ZBTB20: variants seen among roughly 807,000 people sequenced by gnomAD.
ZBTB20 encodes zinc finger and BTB domain containing 20, also known as zinc finger and BTB domain-containing protein 20.
In ZBTB20, 9 loss-of-function variants were observed where a neutral mutation model predicts 56.9. That is an observed-to-expected ratio of 0.16 (90% CI 0.10 to 0.28). The LOEUF (loss-of-function observed/expected upper bound fraction) is 0.28, where lower values mean the gene tolerates loss of function less well. ZBTB20 is among the 10% of genes least tolerant of loss of function. The pLI is 1.00. For synonymous variants in ZBTB20, 417 were observed against 420.7 expected (o/e 0.99, Z 0.11); for missense variants, 655 against 1,003.0 (o/e 0.65, Z 4.69).
rs1560077275 is a variant in ZBTB20 at position 114,332,490 on chromosome 3, C to T, written c.*6515G>A. The T allele has an allele frequency of 6.6e-6, 1 of 152,194 alleles. No individual in the cohort carries two copies. The highest frequency in any genetic ancestry group is 1.5e-5 in the Non-Finnish European group (1 of 68,044). 9.4% of individuals were successfully genotyped at this position (152,194 alleles called of 1,614,324 possible). ...TGTCTATTTTACATTCAGCCCCAACCTACGTCACTGAAATAGAATAGGAAA... is the reference window on the plus strand; with the variant it reads ...TGTCTATTTTACATTCAGCCCCAACTTACGTCACTGAAATAGAATAGGAAA... On this transcript the variant is annotated 3_prime_UTR_variant, in exon 12 of 12. Coordinates refer to ENST00000675478, the MANE Select transcript of ZBTB20 (RefSeq NM_001348800.3).
intron 6 of ZBTB20, among the ~76,000 whole-genome samples, chr3:114,657,085 T>A (rs1361678035): frequency 6.6e-6 from 1 of 152,266 alleles, no homozygotes; most frequent in African/African-American, 2.4e-5. Context: ...TATCCATCAC[T>A]GGTAATTTTT....
At chr3:114,899,537 T>C (rs1253157363) in intron 4 of ZBTB20, among the ~76,000 whole-genome samples, 1 of 151,910 alleles carries the variant, frequency 6.6e-6, no homozygotes. Context: ...AAAAAAAAAA[T>C]ATTTGAGTCA....
intron 4 of ZBTB20, among the ~76,000 whole-genome samples, chr3:114,888,690 C>T (rs193262607): frequency 3.2e-4 from 48 of 151,926 alleles, no homozygotes; most frequent in African/African-American, 1.1e-3. Flanking sequence ...TTGGCAAAGA[C>T]CCTAATAAGT....
chr3:114,473,745 T>C (rs1181548116), intron 7 of ZBTB20, among the ~76,000 whole-genome samples: 3 of 152,186 alleles, frequency 2.0e-5, no homozygotes, highest in Non-Finnish European at 4.4e-5. Flanking sequence ...CAAGTGATTC[T>C]AATTCTATGT....
At chr3:115,063,272 G>A (rs1285606301) in intron 2 of ZBTB20, among the ~76,000 whole-genome samples, 1 of 152,106 alleles carries the variant, frequency 6.6e-6, no homozygotes, top group East Asian at 1.9e-4. Context: ...CCATAGACTT[G>A]GTTAAACAAC....
intron 6 of ZBTB20, among the ~76,000 whole-genome samples, chr3:114,526,869 T>A (rs2047276288): frequency 6.6e-6 from 1 of 152,190 alleles, no homozygotes; most frequent in Non-Finnish European, 1.5e-5. Flanking sequence ...GAAGAATTAG[T>A]CTCACAAGTA....
intron 10 of ZBTB20, among the ~76,000 whole-genome samples, chr3:114,376,393 T>TG (rs2083631783): frequency 6.6e-6 from 1 of 152,230 alleles, no homozygotes; most frequent in African/African-American, 2.4e-5. Flanking sequence ...TTCCTGACTT[T>TG]GGGGTAATTA....
intron 6 of ZBTB20, among the ~76,000 whole-genome samples, chr3:114,624,358 C>CAAAA (rs368690191): frequency 8.1e-6 from 1 of 123,070 alleles, no homozygotes; most frequent in Admixed American, 7.8e-5. Context: ...GTAAGAGAAA[C>CAAAA]AAAAAAAAAA....
chr3:114,880,793 A>G (rs1263640161), intron 4 of ZBTB20, among the ~76,000 whole-genome samples: 1 of 152,192 alleles, frequency 6.6e-6, no homozygotes, highest in Admixed American at 6.5e-5. Flanking sequence ...TATTCATAAT[A>G]TATTGCTAGT....
At position 114,906,334 on chromosome 3, in the gene ZBTB20, T is replaced by C. The variant is rs1388537382; in HGVS notation, c.-455-5992A>G. Among the ~76,000 whole-genome samples the C allele has an allele frequency of 2.0e-5, 3 of 151,784 alleles. No individual in the cohort carries two copies. The East Asian group carries it at 5.8e-4, about 29-fold the overall frequency. ...CTTGATGATGTAGAAAATCTTTTATTGTAAATTCTGTTCAATCAAAGGCAA... is the reference window on the plus strand; with the variant it reads ...CTTGATGATGTAGAAAATCTTTTATCGTAAATTCTGTTCAATCAAAGGCAA... On this transcript the variant is annotated intron_variant, in intron 3 of 11. Transcript: ENST00000675478.
chr3:114,987,266 CT>C (rs2078587838), intron 2 of ZBTB20, among the ~76,000 whole-genome samples: 1 of 152,020 alleles, frequency 6.6e-6, no homozygotes, highest in African/African-American at 2.4e-5. Flanking sequence ...ATAACGGGAA[CT>C]TTTAGGTAAT....
At chr3:114,629,957 G>A (rs2058852528) in intron 6 of ZBTB20, among the ~76,000 whole-genome samples, 1 of 152,012 alleles carries the variant, frequency 6.6e-6, no homozygotes, top group Admixed American at 6.6e-5. Context: ...AGACTAGTTT[G>A]GGCAAAATGG....
chr3:114,436,710 C>A (rs1390206787), intron 7 of ZBTB20, among the ~76,000 whole-genome samples: 2 of 152,126 alleles, frequency 1.3e-5, no homozygotes, highest in Non-Finnish European at 2.9e-5. Flanking sequence ...CCCTCTCTTT[C>A]CTCCAGGAAC....
At chr3:114,860,002 T>C (rs1039165587) in intron 4 of ZBTB20, among the ~76,000 whole-genome samples, 17 of 152,232 alleles carry the variant, frequency 1.1e-4, no homozygotes, top group African/African-American at 4.1e-4. Flanking sequence ...CTATGGACAT[T>C]CAATATCTAT....
chr3:115,032,189 T>C (rs1239317392), intron 2 of ZBTB20, among the ~76,000 whole-genome samples: 1 of 151,446 alleles, frequency 6.6e-6, no homozygotes, highest in Non-Finnish European at 1.5e-5. Context: ...ACGTATTTTA[T>C]GTAATATGGT....
chr3:114,798,080 G>A (rs1014435765), intron 5 of ZBTB20, among the ~76,000 whole-genome samples: 4 of 151,528 alleles, frequency 2.6e-5, no homozygotes, highest in Admixed American at 6.6e-5. Flanking sequence ...TTTCTCTGAT[G>A]GAAATGACCC....
chr3:114,338,621 T>G lies in ZBTB20; in HGVS notation c.*384A>C, dbSNP rs2079543162. On this transcript the variant is annotated 3_prime_UTR_variant, in exon 12 of 12. Coordinates refer to ENST00000675478, the MANE Select transcript of ZBTB20 (RefSeq NM_001348800.3). Reference sequence around the variant, plus strand: ...AGTAGGCCTTTTAGATTTTGTTATATATTTTTTGTAGTGCTCTTCACAAGT... The same window carrying G: ...AGTAGGCCTTTTAGATTTTGTTATAGATTTTTTGTAGTGCTCTTCACAAGT... 1 of 160,644 alleles carries G rather than the reference T, an allele frequency of 6.2e-6. No individual in the cohort carries two copies. The highest frequency in any genetic ancestry group is 1.4e-5 in the Non-Finnish European group (1 of 73,928). 10.0% of individuals were successfully genotyped at this position (160,644 alleles called of 1,614,324 possible). A position where few individuals can be genotyped will look rare whatever the true frequency, so the allele number is the denominator to read the frequency against.
At chr3:114,812,004 G>T (rs1430206043) in intron 4 of ZBTB20, among the ~76,000 whole-genome samples, 1 of 152,190 alleles carries the variant, frequency 6.6e-6, no homozygotes, top group Admixed American at 6.5e-5. Flanking sequence ...CTGCCTTCTG[G>T]TGGGTTTGTG....
chr3:114,795,552 G>A (rs921462505), intron 5 of ZBTB20, among the ~76,000 whole-genome samples: 6 of 151,884 alleles, frequency 4.0e-5, no homozygotes, highest in African/African-American at 1.4e-4. Flanking sequence ...CCCATACTCC[G>A]TTCTCTACCC....
Sources: gnomAD v4.1 joint callset for allele counts (sites outside exome capture counted in the v4.1 genomes callset) on GRCh38, gnomAD v4.1.1 for gene constraint, MANE v1.5 for transcripts, NCBI Gene and HGNC (gene_info 2026-07-23, HGNC 2026-07-21) for gene names.